Variants in DHRSX observed in about 807,000 individuals in gnomAD.
DHRSX encodes the protein dehydrogenase/reductase X-linked.
DHRSX carries 31 observed loss-of-function variants against 34.0 expected under a neutral mutation model. The ratio of observed to expected loss-of-function variants is 0.91; its 90% CI spans 0.69 to 1.23. The LOEUF (loss-of-function observed/expected upper bound fraction) is 1.23. Ranked by LOEUF, DHRSX falls within the 50% of genes most tolerant of loss-of-function variation. The pLI is 0.00. For missense variants in DHRSX, 414 were observed against 428.1 expected, an observed-to-expected ratio of 0.97 and a Z score of 0.29; for synonymous variants, 201 against 183.8, an observed-to-expected ratio of 1.09 and a Z score of -0.76.
chrX:2,291,854 CA>C (rs2124491199), intron 3 of DHRSX, among the ~76,000 whole-genome samples: 1 of 150,986 alleles, frequency 6.6e-6, no homozygotes, highest in East Asian at 1.9e-4. Context: ...GCTGGGATTA[CA>C]GGCACATGCC....
chrX:2,436,009 A>C (rs1319711687), intron 1 of DHRSX, among the ~76,000 whole-genome samples: 1 of 152,082 alleles, frequency 6.6e-6, no homozygotes, highest in Non-Finnish European at 1.5e-5. Flanking sequence ...CCCAATCAAC[A>C]TGGTGAAACC....
chrX:2,225,150 A>G (rs1768349890), intron 6 of DHRSX, among the ~76,000 whole-genome samples: 1 of 146,284 alleles, frequency 6.8e-6, no homozygotes, highest in South Asian at 2.3e-4. Context: ...TCACATGTAC[A>G]CACATTCACA....
In DHRSX at chrX:2,499,288, C is replaced by G. The variant is rs137929989; in HGVS notation, c.109+1529G>C. On this transcript the variant is annotated intron_variant, in intron 1 of 6. Transcript: ENST00000334651. ...GTCTACAGAGGCAGAAATAACAGCT[C>G]TCTTCTTAGGCTGGACATTTAAGAC... Among the ~76,000 whole-genome samples, 47 of 152,296 alleles carry G rather than the reference C, an allele frequency of 3.1e-4. No individual in the cohort carries two copies. The East Asian group carries it at 9.1e-3, about 29-fold the overall frequency.
rs192282753 is a variant in DHRSX at position 2,313,952 on chromosome X, A to G, written c.287-22349T>C. Among the ~76,000 whole-genome samples the G allele has an allele frequency of 6.3e-3, 958 of 152,056 alleles. 13 individuals are homozygous for G. The highest frequency in any genetic ancestry group is 0.022 in the African/African-American group (929 of 41,500). On this transcript the variant is annotated intron_variant, in intron 3 of 6. Transcript: ENST00000334651. The stretch of plus-strand genomic sequence containing the variant: ...AAGTTTAAATATTTTCTGGTTGACA[A>G]CTGGTTGAGTTTATCTGAAGACCTG...
At chrX:2,485,068 C>T (rs2124068809) in intron 1 of DHRSX, among the ~76,000 whole-genome samples, 1 of 152,230 alleles carries the variant, frequency 6.6e-6, no homozygotes, top group South Asian at 2.1e-4. Context: ...GAAACAAAAA[C>T]AACCAGCTCA....
intron 6 of DHRSX, among the ~76,000 whole-genome samples, chrX:2,229,914 C>T (rs1026740665): frequency 1.3e-5 from 2 of 152,016 alleles, no homozygotes; most frequent in African/African-American, 4.8e-5. Context: ...CATGTACGTA[C>T]ATGCATGTGC....
At chrX:2,250,445 AT>A (rs1245438353) in intron 5 of DHRSX, among the ~76,000 whole-genome samples, 1 of 152,040 alleles carries the variant, frequency 6.6e-6, no homozygotes, top group Non-Finnish European at 1.5e-5. Flanking sequence ...TTTTATGGTT[AT>A]TTCTCTATCA....
At chrX:2,314,467 GGAGAAGGA>G (rs1312179572) in intron 3 of DHRSX, among the ~76,000 whole-genome samples, 2 of 40,496 alleles carry the variant, frequency 4.9e-5, no homozygotes, top group African/African-American at 2.1e-4. Flanking sequence ...GGAAGGAAGG[GGAGAAGGA>G]AGGAAGGAAG....
intron 3 of DHRSX, among the ~76,000 whole-genome samples, chrX:2,334,054 G>A (rs1263092782): frequency 6.6e-6 from 1 of 151,912 alleles, no homozygotes; most frequent in Admixed American, 6.6e-5. Flanking sequence ...ATGCTGCAAT[G>A]AACATTCATG....
chrX:2,291,550 GCA>G lies in DHRSX; in HGVS notation c.338_339del (p.Val113AlafsTer77). On this transcript the variant is annotated frameshift_variant, in exon 4 of 7. Coordinates refer to ENST00000334651, the MANE Select transcript of DHRSX (RefSeq NM_145177.3). LOFTEE classifies it high-confidence loss of function. ...GGAATCTTCTTCATCTTGAACTTCT[GCA>G]CAAACTGCCGGATGGAAGTCATGGA... ...LASMTSIRQF[V>X]QKFKMKKIPL... is the part of the protein sequence containing the mutation. 1.2e-6 allele frequency: 2 copies of G among 1,613,838 alleles called. No homozygotes were observed. The highest frequency in any genetic ancestry group is 1.7e-6 in the Non-Finnish European group (2 of 1,179,848).
At chrX:2,407,189 T>C (rs2043566415) in intron 3 of DHRSX, among the ~76,000 whole-genome samples, 1 of 152,138 alleles carries the variant, frequency 6.6e-6, no homozygotes, top group African/African-American at 2.4e-5. Flanking sequence ...CCATTCTTCT[T>C]AGGTCGAGTC....
At chrX:2,396,078 C>T (rs1161525363) in intron 3 of DHRSX, among the ~76,000 whole-genome samples, 1 of 152,026 alleles carries the variant, frequency 6.6e-6, no homozygotes, top group African/African-American at 2.4e-5. Context: ...CTGGGGGCTC[C>T]AGGAGTCCCT....
At chrX:2,357,073 G>C (rs149456175) in intron 3 of DHRSX, among the ~76,000 whole-genome samples, 2 of 151,944 alleles carry the variant, frequency 1.3e-5, no homozygotes. Context: ...GTAAAACCCC[G>C]TCTCTACTGA....
intron 3 of DHRSX, among the ~76,000 whole-genome samples, chrX:2,316,126 T>C (rs1000141877): frequency 1.8e-4 from 27 of 152,114 alleles, no homozygotes; most frequent in African/African-American, 6.5e-4. Flanking sequence ...CCTCCAAAAG[T>C]GCTGGGATAA....
intron 1 of DHRSX, among the ~76,000 whole-genome samples, chrX:2,464,577 C>T (rs189423659): frequency 3.0e-3 from 448 of 147,046 alleles, no homozygotes; most frequent in Non-Finnish European, 3.8e-3. Flanking sequence ...TGAAGACGCT[C>T]CCTAAGAATG....
At chrX:2,499,927 C>T (rs1353506267) in intron 1 of DHRSX, among the ~76,000 whole-genome samples, 3 of 152,100 alleles carry the variant, frequency 2.0e-5, no homozygotes, top group Non-Finnish European at 4.4e-5. Flanking sequence ...CCTGTAATGC[C>T]AGCACTTTGG....
At chrX:2,425,338 G>A (rs1182389131) in intron 1 of DHRSX, 34 bp from the exon 2 acceptor site, 1 of 1,559,980 alleles carries the variant, frequency 6.4e-7, no homozygotes, top group Non-Finnish European at 8.8e-7. Flanking sequence ...ATCAAACTAA[G>A]ATTTGAAAGC....
At chrX:2,341,485 C>A (rs2042639036) in intron 3 of DHRSX, among the ~76,000 whole-genome samples, 1 of 152,120 alleles carries the variant, frequency 6.6e-6, no homozygotes, top group Non-Finnish European at 1.5e-5. Flanking sequence ...ACGTGGCCTT[C>A]TCCTCTGTGT....
At chrX:2,325,168 C>G (rs930598037) in intron 3 of DHRSX, among the ~76,000 whole-genome samples, 1 of 152,094 alleles carries the variant, frequency 6.6e-6, no homozygotes, top group African/African-American at 2.4e-5. Flanking sequence ...CAGCTGGGAG[C>G]TTGTACGGGT....
Sources: gnomAD v4.1 joint callset for allele counts (sites outside exome capture counted in the v4.1 genomes callset) on GRCh38, gnomAD v4.1.1 for gene constraint, MANE v1.5 for transcripts, NCBI Gene and HGNC (gene_info 2026-07-23, HGNC 2026-07-21) for gene names.